PRKCE: variants seen among roughly 807,000 people sequenced by gnomAD.
PRKCE encodes the protein protein kinase C epsilon type.
A neutral mutation model predicts 85.4 loss-of-function variants in PRKCE; 16 were observed. The observed-to-expected ratio is 0.19, with a 90% CI of 0.13 to 0.28. The LOEUF (loss-of-function observed/expected upper bound fraction) is 0.28. PRKCE is among the 10% of genes least tolerant of loss of function. PRKCE has a pLI of 1.00. For synonymous variants in PRKCE, 388 were observed against 371.5 expected, an observed-to-expected ratio of 1.04 and a Z score of -0.51; for missense variants, 573 against 975.2, an observed-to-expected ratio of 0.59 and a Z score of 5.49.
At chr2:45,929,179 A>G (rs1467666778) in intron 2 of PRKCE, among the ~76,000 whole-genome samples, 5 of 152,118 alleles carry the variant, frequency 3.3e-5, no homozygotes, top group Admixed American at 6.6e-5. Context: ...GGGTCAATCT[A>G]CCAGTGAAAT....
At chr2:46,024,566 A>C (rs1255661089) in intron 10 of PRKCE, among the ~76,000 whole-genome samples, 7 of 152,088 alleles carry the variant, frequency 4.6e-5, no homozygotes, top group African/African-American at 1.5e-4. Context: ...GGTTGCTAGG[A>C]AGCTAAGCTT....
chr2:45,716,732 A>T (rs1021641340), intron 1 of PRKCE, among the ~76,000 whole-genome samples: 2 of 51,918 alleles, frequency 3.9e-5, no homozygotes, highest in Admixed American at 1.7e-4. Context: ...GGAAGGAAGG[A>T]AAGTAGGAAG....
chr2:46,086,489 A>C (rs1022671891), intron 11 of PRKCE, 127 bp downstream of exon 11: 34 of 1,190,778 alleles, frequency 2.9e-5, no homozygotes, highest in Non-Finnish European at 3.8e-5. Flanking sequence ...TGTTTGTTCC[A>C]ATTTGCTTAC....
At chr2:46,168,628 T>A (rs1340560420) in intron 14 of PRKCE, among the ~76,000 whole-genome samples, 1 of 152,190 alleles carries the variant, frequency 6.6e-6, no homozygotes, top group South Asian at 2.1e-4. Context: ...ATTGCCACCT[T>A]GAAAAGCTTC....
chr2:45,737,342 TCCCCA>T (rs1682159075), intron 1 of PRKCE, among the ~76,000 whole-genome samples: 1 of 152,024 alleles, frequency 6.6e-6, no homozygotes, highest in Non-Finnish European at 1.5e-5. Context: ...CATCCCTCAC[TCCCCA>T]CCCTGCCTGA....
rs74767538 is a variant in PRKCE, at chr2:45,860,604, G to A, written c.412+17541G>A. Among the ~76,000 whole-genome samples the A allele has an allele frequency of 7.8e-4, 119 of 152,326 alleles. 1 individual carries two copies. The East Asian group carries it at 0.02, about 26-fold the overall frequency. ...AGGAACAAGAGCTGGTAGTCTGGGG[G>A]AAATATATGTGCATGTGAGTGCTGG... is the stretch of plus-strand genomic sequence containing the variant. On this transcript the variant is annotated intron_variant, in intron 2 of 14. Transcript: ENST00000306156.
chr2:45,836,663 C>G (rs58417098), intron 1 of PRKCE, among the ~76,000 whole-genome samples: 1 of 152,118 alleles, frequency 6.6e-6, no homozygotes, highest in African/African-American at 2.4e-5. Flanking sequence ...GGGCAGTGGG[C>G]CCCCTGCTTT....
chr2:45,701,983 G>C (rs1678680712), intron 1 of PRKCE, among the ~76,000 whole-genome samples: 1 of 152,122 alleles, frequency 6.6e-6, no homozygotes, highest in Non-Finnish European at 1.5e-5. Flanking sequence ...GACGTCAGGA[G>C]TTTGAGACCA....
At chr2:45,957,666 T>G (rs1201037704) in intron 2 of PRKCE, among the ~76,000 whole-genome samples, 1 of 152,148 alleles carries the variant, frequency 6.6e-6, no homozygotes, top group African/African-American at 2.4e-5. Context: ...TTGGAAGCAC[T>G]TTCGGAGGCC....
rs34589907 is a variant in PRKCE at position 45,751,809 on chromosome 2, A to ATTTTTTTTT, written c.349-91173_349-91165dup. Among the ~76,000 whole-genome samples, 26 of 78,526 alleles carry ATTTTTTTTT rather than the reference A, an allele frequency of 3.3e-4. 3 individuals carry two copies. The highest frequency in any genetic ancestry group is 4.0e-4 in the African/African-American group (7 of 17,710). The allele number at this position is 78,526 out of a possible 152,430, so 51.5% of individuals were successfully genotyped here. On this transcript the variant is annotated intron_variant, in intron 1 of 14. Coordinates refer to ENST00000306156, the MANE Select transcript of PRKCE (RefSeq NM_005400.3). ...ACTCCAGCCTCCAAAGCTAACCACT[A>ATTTTTTTTT]TTTTTTTTTTTTTTTTTTTTTTTTT...
chr2:45,885,002 T>TTTTTTGTTGTTG (rs375477829), intron 2 of PRKCE, among the ~76,000 whole-genome samples: 2 of 97,666 alleles, frequency 2.0e-5, no homozygotes, highest in Admixed American at 1.2e-4. Flanking sequence ...TATATATATA[T>TTTTTTGTTGTTG]TTGTTGTTGT....
chr2:45,815,192 A>G (rs747604499), intron 1 of PRKCE, among the ~76,000 whole-genome samples: 1 of 152,238 alleles, frequency 6.6e-6, no homozygotes, highest in African/African-American at 2.4e-5. Flanking sequence ...TTGATACACC[A>G]GTTACCCCCC....
intron 10 of PRKCE, among the ~76,000 whole-genome samples, chr2:46,040,613 C>G (rs1307965515): frequency 2.0e-5 from 3 of 152,134 alleles, no homozygotes; most frequent in Admixed American, 6.5e-5. Context: ...ACCAGAAGAC[C>G]TCTTGTACTG....
intron 2 of PRKCE, among the ~76,000 whole-genome samples, 161 bp from the exon 3 acceptor site, chr2:45,976,268 G>C (rs914059120): frequency 6.6e-6 from 1 of 152,140 alleles, no homozygotes; most frequent in Non-Finnish European, 1.5e-5. Context: ...CAGCTGCTCA[G>C]TGGGACTCCT....
intron 2 of PRKCE, among the ~76,000 whole-genome samples, chr2:45,868,310 T>C (rs1473750146): frequency 1.1e-5 from 1 of 87,914 alleles, no homozygotes; most frequent in African/African-American, 4.0e-5. Flanking sequence ...CAAAATCCCC[T>C]TTCCTGTCCA....
At chr2:46,140,652 C>A (rs1331608960) in intron 11 of PRKCE, among the ~76,000 whole-genome samples, 2 of 152,010 alleles carry the variant, frequency 1.3e-5, no homozygotes, top group Non-Finnish European at 2.9e-5. Context: ...AAATCCAAAC[C>A]CATGATATAA....
intron 2 of PRKCE, among the ~76,000 whole-genome samples, chr2:45,946,604 T>C (rs1485727948): frequency 6.6e-6 from 1 of 152,198 alleles, no homozygotes; most frequent in Non-Finnish European, 1.5e-5. Flanking sequence ...AAATCCATGC[T>C]GGTGCTCTGG....
At chr2:45,985,063 C>A (rs548785641) in intron 6 of PRKCE, among the ~76,000 whole-genome samples, 1 of 152,144 alleles carries the variant, frequency 6.6e-6, no homozygotes, top group Non-Finnish European at 1.5e-5. Flanking sequence ...GCTTTTCTTG[C>A]ATGGTCCATG....
At chr2:45,739,903 A>G (rs1682408882) in intron 1 of PRKCE, among the ~76,000 whole-genome samples, 1 of 152,248 alleles carries the variant, frequency 6.6e-6, no homozygotes, top group African/African-American at 2.4e-5. Flanking sequence ...CTGTTTGACA[A>G]TGGGATTTGC....
Sources: allele counts gnomAD v4.1 joint callset (sites outside exome capture counted in the v4.1 genomes callset), GRCh38; gene constraint gnomAD v4.1.1; transcripts MANE v1.5; gene names NCBI Gene and HGNC (gene_info 2026-07-23, HGNC 2026-07-21).